DNER: variants seen among roughly 807,000 people sequenced by gnomAD.
DNER encodes delta and Notch-like epidermal growth factor-related receptor.
Under a neutral mutation model 78.2 loss-of-function variants are expected in DNER, and 33 were observed. The observed-to-expected ratio is 0.42, with a 90% CI of 0.32 to 0.56. DNER has a LOEUF of 0.56. DNER is among the 20% of genes least tolerant of loss of function. The pLI is 0.11. For synonymous variants in DNER, 417 were observed against 384.8 expected (o/e 1.08, Z -0.98); for missense variants, 918 against 975.3 (o/e 0.94, Z 0.78).
intron 6 of DNER, among the ~76,000 whole-genome samples, chr2:229,477,793 C>T (rs551770401): frequency 2.0e-5 from 3 of 152,208 alleles, no homozygotes; most frequent in Non-Finnish European, 4.4e-5. Flanking sequence ...TTGAGGCAAA[C>T]AGAATGCTAA....
chr2:229,521,451 C>T (rs1032087148), intron 5 of DNER, among the ~76,000 whole-genome samples: 10 of 152,226 alleles, frequency 6.6e-5, no homozygotes, highest in African/African-American at 2.2e-4. Flanking sequence ...ATTAACCCAG[C>T]TCCTAGGCTG....
At chr2:229,458,171 A>G (rs747644829) in intron 7 of DNER, among the ~76,000 whole-genome samples, 9 of 149,564 alleles carry the variant, frequency 6.0e-5, no homozygotes, top group Non-Finnish European at 8.9e-5. Flanking sequence ...AGGAAAGTAA[A>G]AGAATAGGGA....
chr2:229,642,040 G>C (rs1422044200), intron 1 of DNER, among the ~76,000 whole-genome samples: 2 of 152,196 alleles, frequency 1.3e-5, no homozygotes, highest in African/African-American at 2.4e-5. Flanking sequence ...GCGAGAAATA[G>C]TGAAGAAATA....
At chr2:229,640,610 G>C (rs1698601589) in intron 1 of DNER, among the ~76,000 whole-genome samples, 1 of 152,226 alleles carries the variant, frequency 6.6e-6, no homozygotes, top group Non-Finnish European at 1.5e-5. Context: ...AGGAAAGAAA[G>C]AGAAGGATAT....
intron 10 of DNER, among the ~76,000 whole-genome samples, chr2:229,389,139 G>A (rs1692963429): frequency 6.6e-6 from 1 of 151,918 alleles, no homozygotes; most frequent in Non-Finnish European, 1.5e-5. Flanking sequence ...GTGGTCCAAG[G>A]GAAGCTGTCT....
intron 1 of DNER, among the ~76,000 whole-genome samples, chr2:229,630,441 A>G (rs1274087159): frequency 6.6e-6 from 1 of 151,040 alleles, no homozygotes; most frequent in East Asian, 1.9e-4. Flanking sequence ...GTGTCACTGC[A>G]CCCCAGCCTG....
At chr2:229,592,959 G>A (rs1010586473) in intron 1 of DNER, among the ~76,000 whole-genome samples, 2 of 152,110 alleles carry the variant, frequency 1.3e-5, no homozygotes, top group African/African-American at 2.4e-5. Context: ...ACGGCTACTC[G>A]TTCTGCTAAT....
At chr2:229,498,062 T>C (rs1695536665) in intron 6 of DNER, among the ~76,000 whole-genome samples, 1 of 152,034 alleles carries the variant, frequency 6.6e-6, no homozygotes, top group Admixed American at 6.5e-5. Context: ...AATACCATAT[T>C]AACAGAATCA....
chr2:229,682,642 G>A (rs1246179596), intron 1 of DNER, among the ~76,000 whole-genome samples: 1 of 152,216 alleles, frequency 6.6e-6, no homozygotes. Flanking sequence ...GAGGTCAGGA[G>A]TTTGAAACCA....
At chr2:229,700,269 C>T (rs116775332) in intron 1 of DNER, among the ~76,000 whole-genome samples, 1,813 of 96,256 alleles carry the variant, frequency 0.019, 41 homozygotes, top group African/African-American at 0.063. Context: ...AATGTATATA[C>T]ATTTATGTCA....
chr2:229,430,687 A>AATATAT (rs58809747), intron 8 of DNER, among the ~76,000 whole-genome samples: 50,599 of 144,248 alleles, frequency 0.35, 9,706 homozygotes, highest in Non-Finnish European at 0.45. Context: ...ATACTTAGTA[A>AATATAT]ATATATATAT....
intron 8 of DNER, among the ~76,000 whole-genome samples, chr2:229,437,141 G>A (rs557560355): frequency 7.2e-5 from 11 of 152,320 alleles, no homozygotes; most frequent in African/African-American, 1.9e-4. Flanking sequence ...GGCAGGGGCT[G>A]CTATACAAAT....
chr2:229,498,787 C>T (rs978611043), intron 6 of DNER, among the ~76,000 whole-genome samples: 1 of 152,082 alleles, frequency 6.6e-6, no homozygotes, highest in African/African-American at 2.4e-5. Flanking sequence ...GAAAGATTTC[C>T]TGTGTTCATG....
At chr2:229,412,694 A>G (rs1391386869) in intron 9 of DNER, among the ~76,000 whole-genome samples, 1 of 152,216 alleles carries the variant, frequency 6.6e-6, no homozygotes, top group East Asian at 1.9e-4. Flanking sequence ...CACGTCATTC[A>G]TGGCATCTGG....
intron 1 of DNER, among the ~76,000 whole-genome samples, chr2:229,599,770 C>T (rs1487121570): frequency 6.6e-6 from 1 of 152,064 alleles, no homozygotes; most frequent in Non-Finnish European, 1.5e-5. Flanking sequence ...AGATAAATGC[C>T]TCAGCGAAAA....
chr2:229,710,119 A>G (rs1699888914), intron 1 of DNER, among the ~76,000 whole-genome samples: 1 of 152,178 alleles, frequency 6.6e-6, no homozygotes, highest in Non-Finnish European at 1.5e-5. Flanking sequence ...TTCTAACTCT[A>G]AGGTGAAGGT....
chr2:229,698,322 CACA>C (rs931536946), intron 1 of DNER, among the ~76,000 whole-genome samples: 1 of 152,164 alleles, frequency 6.6e-6, no homozygotes, highest in South Asian at 2.1e-4. Flanking sequence ...CCATTTCCTG[CACA>C]ACATTTGCAA....
intron 3 of DNER, 142 bp from the exon 4 acceptor site, chr2:229,586,166 G>A (rs563064326): frequency 3.4e-5 from 35 of 1,021,630 alleles, no homozygotes; most frequent in East Asian, 7.9e-5. Context: ...ACAGATACGC[G>A]GGCGTCCACT....
chr2:229,695,762 A>T (rs1042748926), intron 1 of DNER, among the ~76,000 whole-genome samples: 4 of 152,220 alleles, frequency 2.6e-5, no homozygotes, highest in Admixed American at 2.6e-4. Context: ...TTAGTGTCAG[A>T]CTGGGAGTAG....
Sources: allele counts gnomAD v4.1 joint callset (sites outside exome capture counted in the v4.1 genomes callset), GRCh38; gene constraint gnomAD v4.1.1; transcripts MANE v1.5; gene names NCBI Gene and HGNC (gene_info 2026-07-23, HGNC 2026-07-21).